Variants in STK3 observed in about 807,000 individuals in gnomAD.
The protein encoded by STK3 is serine/threonine-protein kinase 3.
Under a neutral mutation model 58.0 loss-of-function variants are expected in STK3, and 41 were observed. That is an observed-to-expected ratio of 0.71 (90% CI 0.55 to 0.92). The LOEUF is 0.92. Among genes scored for constraint, STK3 ranks in the 40% least tolerant of loss-of-function variants. STK3 has a pLI of 0.00. For synonymous variants in STK3, 170 were observed against 191.0 expected (o/e 0.89, Z 0.91); for missense variants, 479 against 602.7 (o/e 0.79, Z 2.15).
intron 2 of STK3, among the ~76,000 whole-genome samples, chr8:98,772,246 A>G (rs1311242163): frequency 6.6e-6 from 1 of 152,170 alleles, no homozygotes; most frequent in African/African-American, 2.4e-5. Context: ...AATCAGTGAT[A>G]TGGTTTGCAT....
intron 6 of STK3, among the ~76,000 whole-genome samples, chr8:98,680,333 A>G (rs1215626783): frequency 6.6e-6 from 1 of 152,212 alleles, no homozygotes; most frequent in Non-Finnish European, 1.5e-5. Flanking sequence ...TGCCATGGAA[A>G]AATAAATATC....
chr8:98,493,564 C>G (rs1032854378), intron 10 of STK3, among the ~76,000 whole-genome samples: 1 of 152,190 alleles, frequency 6.6e-6, no homozygotes, highest in Non-Finnish European at 1.5e-5. Context: ...GAAATGTTCT[C>G]CTCCCTCAGT....
At position 98,548,048 on chromosome 8, in the gene STK3, A is replaced by AT; in HGVS notation, c.1061dup (p.Asn354LysfsTer2). On this transcript the variant is annotated frameshift_variant, in exon 9 of 11. Coordinates refer to ENST00000419617, the MANE Select transcript of STK3 (RefSeq NM_006281.4). LOFTEE classifies it high-confidence loss of function. ...CCAAGTCGGATTCCAACATCGTGCT[A>AT]TTATGTTCAATCATGGTCTGGGCCC... 1 of 1,610,808 alleles carries AT rather than the reference A, an allele frequency of 6.2e-7. No homozygotes were observed. Among genetic ancestry groups the AT allele is most frequent in the East Asian group, 2.2e-5 (1 of 44,642 alleles).
At chr8:98,579,851 T>C in intron 7 of STK3, 62 bp from the exon 8 acceptor site, 1 of 1,406,140 alleles carries the variant, frequency 7.1e-7, no homozygotes, top group Non-Finnish European at 9.5e-7. Context: ...AGCTAACAAA[T>C]GTTAAAACAA....
rs140786097 is a variant in STK3, at chr8:98,763,073, T to C, written c.236+4170A>G. On this transcript the variant is annotated intron_variant, in intron 3 of 10. Transcript: ENST00000419617. ...AAAAATTTCAAAAGAGTCCCATATA[T>C]AAAAAAGATAAAAGCAATAATGAGG... is the stretch of plus-strand genomic sequence containing the variant. Among the ~76,000 whole-genome samples, 248 of 152,224 alleles carry C rather than the reference T, an allele frequency of 1.6e-3. 1 individual carries two copies. Among genetic ancestry groups the C allele is most frequent in the Non-Finnish European group, 2.1e-3 (146 of 68,004 alleles).
chr8:98,857,857 A>G (rs1836737810), intron 3 of STK3, among the ~76,000 whole-genome samples: 1 of 152,206 alleles, frequency 6.6e-6, no homozygotes, highest in Non-Finnish European at 1.5e-5. Context: ...AAGCTGATGA[A>G]AGAGCTGTAA....
chr8:98,844,452 T>C lies in STK3; in HGVS notation c.110+39195A>G, dbSNP rs140748439. Among the ~76,000 whole-genome samples the C allele has an allele frequency of 1.8e-3, 271 of 150,258 alleles. 3 individuals are homozygous for C. The highest frequency in any genetic ancestry group is 0.017 in the Admixed American group (246 of 14,720). The stretch of plus-strand genomic sequence containing the variant: ...GGGCTGACAGTATCCCAACACAGCT[T>C]GGTTTTGTGTGTGTGTGTTTTTGTT... On this transcript the variant is annotated intron_variant, in intron 3 of 12. Transcript: ENST00000523601.
At chr8:98,904,894 T>C (rs1403096748) in intron 1 of STK3, 1 of 692,020 alleles carries the variant, frequency 1.4e-6, no homozygotes, top group African/African-American at 1.8e-5. Context: ...GTCACAGTTG[T>C]ACTTTGGACT....
intron 9 of STK3, among the ~76,000 whole-genome samples, chr8:98,540,622 T>A (rs1220956441): frequency 1.3e-5 from 2 of 152,118 alleles, no homozygotes; most frequent in Admixed American, 6.5e-5. Flanking sequence ...AAATGAGAAA[T>A]CTTCCGGTAA....
chr8:98,459,287 G>C lies in STK3; in HGVS notation c.1318-3287C>G, dbSNP rs192823192. On this transcript the variant is annotated intron_variant, in intron 10 of 10. Transcript: ENST00000419617. ...TCTGTGAAACTTTGAACTTGAAAGA[G>C]ATGATAGGGTATCTGGGGGAATAAA... is the stretch of plus-strand genomic sequence containing the variant. Among the ~76,000 whole-genome samples the C allele has an allele frequency of 2.1e-4, 32 of 152,336 alleles. No individual in the cohort carries two copies. The East Asian group carries it at 5.4e-3, about 26-fold the overall frequency.
chr8:98,393,435 C>G (rs1250133932), intron 3 of STK3, among the ~76,000 whole-genome samples: 1 of 152,128 alleles, frequency 6.6e-6, no homozygotes, highest in Non-Finnish European at 1.5e-5. Context: ...GACTTTATAG[C>G]TCCTCCCATC....
intron 6 of STK3, among the ~76,000 whole-genome samples, chr8:98,662,817 C>T (rs1479308393): frequency 1.3e-5 from 2 of 151,908 alleles, no homozygotes; most frequent in African/African-American, 4.8e-5. Flanking sequence ...TAATGCTATC[C>T]CTCACCCCTC....
At chr8:98,692,316 T>C (rs141732061) in intron 6 of STK3, among the ~76,000 whole-genome samples, 29 of 152,274 alleles carry the variant, frequency 1.9e-4, no homozygotes, top group Admixed American at 3.3e-4. Context: ...GAAACCCAAG[T>C]ACCCATCAAC....
chr8:98,629,113 T>G (rs1818975822), intron 6 of STK3, among the ~76,000 whole-genome samples: 1 of 152,170 alleles, frequency 6.6e-6, no homozygotes, highest in South Asian at 2.1e-4. Flanking sequence ...ATTTGTGACT[T>G]TGGCTAAATT....
chr8:98,800,934 G>A lies in STK3; in HGVS notation c.26+24581C>T, dbSNP rs889741061. Among the ~76,000 whole-genome samples the A allele has an allele frequency of 2.4e-4, 36 of 152,332 alleles. No individual in the cohort carries two copies. The highest frequency in any genetic ancestry group is 7.7e-4 in the African/African-American group (32 of 41,574). ...CAGGCGCTGGCCCCTGCTCCACGGCGTCCGGTCCCATAAACCGCCCAAGGG... is the reference window on the plus strand; with the variant it reads ...CAGGCGCTGGCCCCTGCTCCACGGCATCCGGTCCCATAAACCGCCCAAGGG... On this transcript the variant is annotated intron_variant, in intron 1 of 10. Transcript: ENST00000419617. The surrounding 1 kb of genome is among the most constrained non-coding windows in gnomAD (Gnocchi z 4.8).
intron 3 of STK3, among the ~76,000 whole-genome samples, chr8:98,404,613 G>A (rs1817975622): frequency 6.7e-6 from 1 of 148,792 alleles, no homozygotes; most frequent in Non-Finnish European, 1.5e-5. Context: ...CCGGGAGGCG[G>A]AGCTTGCAGT....
chr8:98,423,554 G>T (rs988216053), intron 3 of STK3, among the ~76,000 whole-genome samples: 15 of 152,254 alleles, frequency 9.9e-5, no homozygotes, highest in African/African-American at 3.6e-4. Context: ...AGGAGGGAAT[G>T]ACATGACCTC....
intron 7 of STK3, among the ~76,000 whole-genome samples, chr8:98,591,287 G>T (rs1815289923): frequency 6.6e-6 from 1 of 152,120 alleles, no homozygotes; most frequent in South Asian, 2.1e-4. Flanking sequence ...GCATTTTTTG[G>T]ATATTGTGTT....
the STK3 span, among the ~76,000 whole-genome samples, chr8:98,357,336 C>T: frequency 0.11 from 16,886 of 152,204 alleles, 1,085 homozygotes; most frequent in East Asian, 0.19. Flanking sequence ...TGGGTTCTCA[C>T]AGCAAGGATT....
Sources: gnomAD v4.1 joint callset for allele counts (sites outside exome capture counted in the v4.1 genomes callset) on GRCh38, gnomAD v4.1.1 for gene constraint, Gnocchi (gnomAD v3.1) non-coding constraint, MANE v1.5 for transcripts, NCBI Gene and HGNC (gene_info 2026-07-23, HGNC 2026-07-21) for gene names.